Variants in AADACL2 observed in about 807,000 individuals in gnomAD.
The protein encoded by AADACL2 is arylacetamide deacetylase-like 2.
In AADACL2, 23 loss-of-function variants were observed where a neutral mutation model predicts 22.3. The observed-to-expected ratio is 1.03, with a 90% CI of 0.74 to 1.46. AADACL2 has a LOEUF of 1.46. Ranked by LOEUF, AADACL2 falls within the 40% of genes most tolerant of loss-of-function variation. The pLI, the probability that AADACL2 is intolerant of heterozygous loss-of-function variation, is 0.00. For synonymous variants in AADACL2, 177 were observed against 166.2 expected (o/e 1.07, Z -0.50); for missense variants, 472 against 482.9 (o/e 0.98, Z 0.21).
rs987969202 is a variant in AADACL2 at position 151,758,650 on chromosome 3, T to C, written c.*1056T>C. On this transcript the variant is annotated 3_prime_UTR_variant, in exon 5 of 5. Coordinates refer to ENST00000356517, the MANE Select transcript of AADACL2 (RefSeq NM_207365.4). ...AAACTTTCAAATATATCATCTCAAA[T>C]TACCTAAAGAATAAATCACTTCTGT... 2 of 152,078 alleles carry C rather than the reference T, an allele frequency of 1.3e-5. No homozygotes were observed. The highest frequency in any genetic ancestry group is 2.9e-5 in the Non-Finnish European group (2 of 67,986). The allele number at this position is 152,078 out of a possible 1,614,324, so 9.4% of individuals were successfully genotyped here. A position where few individuals can be genotyped will look rare whatever the true frequency, so the allele number is the denominator to read the frequency against.
chr3:151,737,840 ATG>A (rs1713146791), intron 1 of AADACL2, among the ~76,000 whole-genome samples: 1 of 151,796 alleles, frequency 6.6e-6, no homozygotes, highest in African/African-American at 2.4e-5. Context: ...TTTTGAGCCT[ATG>A]TGTGTCTTTC....
chr3:151,735,764 T>TA (rs1158810266), intron 1 of AADACL2, among the ~76,000 whole-genome samples: 5 of 152,074 alleles, frequency 3.3e-5, no homozygotes, highest in Admixed American at 6.6e-5. Context: ...TCTCAAAAAA[T>TA]AAAAAAATTA....
chr3:151,754,236 CAT>C (rs1713789792), intron 4 of AADACL2, among the ~76,000 whole-genome samples: 1 of 152,116 alleles, frequency 6.6e-6, no homozygotes, highest in South Asian at 2.1e-4. Flanking sequence ...TGCTGGTCCA[CAT>C]GTTTACTCCA....
intron 4 of AADACL2, among the ~76,000 whole-genome samples, chr3:151,752,226 T>C (rs1332050046): frequency 6.6e-6 from 1 of 152,204 alleles, no homozygotes; most frequent in Non-Finnish European, 1.5e-5. Flanking sequence ...CTGTGATTGA[T>C]AATATGTTAT....
rs1205760617 is a variant in AADACL2, at chr3:151,759,188, A to C, written c.*1594A>C. On this transcript the variant is annotated 3_prime_UTR_variant, in exon 5 of 5. Transcript: ENST00000356517. ...ATACACTAAGAATATTGTATTTTTC[A>C]TAATTCTGATTTAATCTCCTGTAAA... 1 of 152,124 alleles carries C rather than the reference A, an allele frequency of 6.6e-6. No individual in the cohort carries two copies. The highest frequency in any genetic ancestry group is 2.4e-5 in the African/African-American group (1 of 41,424). 9.4% of individuals were successfully genotyped at this position (152,124 alleles called of 1,614,324 possible).
At chr3:151,756,293 C>T (rs1353470356) in intron 4 of AADACL2, among the ~76,000 whole-genome samples, 1 of 152,056 alleles carries the variant, frequency 6.6e-6, no homozygotes, top group African/African-American at 2.4e-5. Flanking sequence ...TCAAGTACTT[C>T]ACATTTTATC....
At chr3:151,755,101 T>C (rs1713842451) in intron 4 of AADACL2, 2 of 152,162 alleles carry the variant, frequency 1.3e-5, no homozygotes, top group African/African-American at 4.8e-5. Flanking sequence ...GTTTCTCGGA[T>C]CCTATTATTC....
chr3:151,736,414 G>A (rs146827583), intron 1 of AADACL2, among the ~76,000 whole-genome samples: 6 of 151,164 alleles, frequency 4.0e-5, no homozygotes, highest in African/African-American at 1.2e-4. Context: ...CTATCAACTC[G>A]TCATCTAGGT....
intron 4 of AADACL2, among the ~76,000 whole-genome samples, chr3:151,748,611 T>A (rs1159278548): frequency 1.3e-5 from 2 of 152,216 alleles, no homozygotes; most frequent in East Asian, 3.8e-4. Flanking sequence ...AAATAGTTTG[T>A]CAGAGAGCAG....
In AADACL2 at chr3:151,757,414, C is replaced by T; in HGVS notation, c.1026C>T (p.Leu342=). The change falls in exon 5 of 5, where the codon CTC becomes CTT. Residue 342 remains leucine, a synonymous_variant. Coordinates refer to ENST00000356517, the MANE Select transcript of AADACL2 (RefSeq NM_207365.4). The part of the protein sequence containing the change: ...LTYILTCQHD[L]LRDDGLMYVT... ...ATATTCTTACTTGTCAACATGATCT[C>T]TTAAGAGATGATGGACTTATGTATG... The T allele has an allele frequency of 6.2e-7, 1 of 1,613,672 alleles. No individual in the cohort carries two copies. The highest frequency in any genetic ancestry group is 8.5e-7 in the Non-Finnish European group (1 of 1,179,674).
In AADACL2 at chr3:151,759,787, C is replaced by G. The variant is rs1464951634; in HGVS notation, c.*2193C>G. Reference sequence around the variant, plus strand: ...TTGTGGCTTTATCCAGGCACTGTTACTGTTTGTATGCTAAAGGGTTCATTT... The same window carrying G: ...TTGTGGCTTTATCCAGGCACTGTTAGTGTTTGTATGCTAAAGGGTTCATTT... On this transcript the variant is annotated 3_prime_UTR_variant, in exon 5 of 5. Coordinates refer to ENST00000356517, the MANE Select transcript of AADACL2 (RefSeq NM_207365.4). The G allele has an allele frequency of 6.6e-6, 1 of 152,180 alleles. No homozygotes were observed. Among genetic ancestry groups the G allele is most frequent in the Non-Finnish European group, 1.5e-5 (1 of 68,028 alleles). 9.4% of individuals were successfully genotyped at this position (152,180 alleles called of 1,614,324 possible).
intron 4 of AADACL2, among the ~76,000 whole-genome samples, chr3:151,749,483 A>C (rs1369115717): frequency 6.6e-6 from 1 of 151,734 alleles, no homozygotes; most frequent in Non-Finnish European, 1.5e-5. Flanking sequence ...ATGAAAATAG[A>C]CTTTTTTTTT....
chr3:151,760,045 C>G lies in AADACL2; in HGVS notation c.*2451C>G, dbSNP rs775710480. 1 of 152,112 alleles carries G rather than the reference C, an allele frequency of 6.6e-6. No individual in the cohort carries two copies. Among genetic ancestry groups the G allele is most frequent in the East Asian group, 1.9e-4 (1 of 5,194 alleles). 9.4% of individuals were successfully genotyped at this position (152,112 alleles called of 1,614,324 possible). On this transcript the variant is annotated 3_prime_UTR_variant, in exon 5 of 5. Coordinates refer to ENST00000356517, the MANE Select transcript of AADACL2 (RefSeq NM_207365.4). ...TATCAGGGTAATCGGCACATCATCTCAAACATTTATCATTTCTTTGTGTTG... is the reference window on the plus strand; with the variant it reads ...TATCAGGGTAATCGGCACATCATCTGAAACATTTATCATTTCTTTGTGTTG...
intron 1 of AADACL2, among the ~76,000 whole-genome samples, chr3:151,739,330 C>A (rs1410509629): frequency 2.0e-5 from 3 of 152,212 alleles, no homozygotes; most frequent in Non-Finnish European, 4.4e-5. Context: ...GTGGAGGCTG[C>A]AGAACAGCAA....
rs1714138261 is a variant in AADACL2, at chr3:151,761,190, TATATACATATTGTG to T, written c.*3602_*3615del. ...ATATATATTTATATATATGGTGAGA[TATATACATATTGTG>T]ATATATATATATATATATATATATA... On this transcript the variant is annotated 3_prime_UTR_variant, in exon 5 of 5. Transcript: ENST00000356517. 7.7e-6 allele frequency: 1 copy of T among 129,352 alleles called. No individual in the cohort carries two copies. Among genetic ancestry groups the T allele is most frequent in the Non-Finnish European group, 1.6e-5 (1 of 61,138 alleles). The allele number at this position is 129,352 out of a possible 1,614,324, so 8.0% of individuals were successfully genotyped here.
Position 151,745,648 on chromosome 3 carries a change from G to T in AADACL2, c.571G>T (p.Gly191Trp), listed in dbSNP as rs370809556. ...AATCTGCATTGCGGGAGACAGTTCT[G>T]GGGGCAATTTAGCAACAGCGGTCAC... is the stretch of plus-strand genomic sequence containing the variant. ...TRICIAGDSS[G>W]GNLATAVTQQ... The change falls in exon 4 of 5, where the codon GGG (glycine) becomes TGG (tryptophan). Residue 191 changes from glycine to tryptophan, a missense_variant. Physicochemically the swap from Gly to Trp is radical, Grantham distance 184. Transcript: ENST00000356517. 6.2e-7 allele frequency: 1 copy of T among 1,611,620 alleles called. No homozygotes were observed. The highest frequency in any genetic ancestry group is 1.1e-5 in the South Asian group (1 of 90,466).
At chr3:151,743,957 C>T in intron 2 of AADACL2, 136 bp from the exon 3 acceptor site, 1 of 800,204 alleles carries the variant, frequency 1.2e-6, no homozygotes, top group Non-Finnish European at 2.0e-6. Flanking sequence ...TCAGGTCCAT[C>T]TGCTTGGAAA....
At chr3:151,745,443 T>C in intron 3 of AADACL2, 66 bp from the exon 4 acceptor site, 1 of 1,491,850 alleles carries the variant, frequency 6.7e-7, no homozygotes, top group Non-Finnish European at 9.1e-7. Flanking sequence ...AAATTGCATC[T>C]ATTTGGTATT....
intron 4 of AADACL2, among the ~76,000 whole-genome samples, chr3:151,754,215 A>T (rs1713788141): frequency 1.3e-5 from 2 of 152,132 alleles, no homozygotes; most frequent in Non-Finnish European, 2.9e-5. Flanking sequence ...CTGATGTAGG[A>T]GTGAAAATCG....
Sources: gnomAD v4.1 joint callset for allele counts (sites outside exome capture counted in the v4.1 genomes callset) on GRCh38, gnomAD v4.1.1 for gene constraint, MANE v1.5 for transcripts, NCBI Gene and HGNC (gene_info 2026-07-23, HGNC 2026-07-21) for gene names.